DHRSX: variants seen among roughly 807,000 people sequenced by gnomAD.
DHRSX encodes polyprenol dehydrogenase.
In DHRSX, 31 loss-of-function variants were observed where a neutral mutation model predicts 34.0. The ratio of observed to expected loss-of-function variants is 0.91; its 90% CI spans 0.69 to 1.23. The LOEUF is 1.23. Ranked by LOEUF, DHRSX falls within the 50% of genes most tolerant of loss-of-function variation. The pLI is 0.00. For synonymous variants in DHRSX, 201 were observed against 183.8 expected (o/e 1.09, Z -0.76); for missense variants, 414 against 428.1 (o/e 0.97, Z 0.29).
chrX:2,479,131 T>C (rs1201914956), intron 1 of DHRSX, among the ~76,000 whole-genome samples: 2 of 151,366 alleles, frequency 1.3e-5, no homozygotes, highest in African/African-American at 4.9e-5. Context: ...AGATGTTCGC[T>C]AACAATGCAG....
At chrX:2,414,149 T>A (rs761604589) in intron 2 of DHRSX, among the ~76,000 whole-genome samples, 1 of 151,678 alleles carries the variant, frequency 6.6e-6, no homozygotes, top group South Asian at 2.1e-4. Context: ...TAATCATGAC[T>A]GACTATGACT....
chrX:2,429,812 C>T (rs73632316), intron 1 of DHRSX, among the ~76,000 whole-genome samples: 242 of 151,898 alleles, frequency 1.6e-3, no homozygotes, highest in African/African-American at 5.4e-3. Context: ...GACACAAGAA[C>T]GGCAGAGGGA....
At chrX:2,408,842 G>C in intron 2 of DHRSX, 29 bp from the exon 3 acceptor site, 2 of 1,572,794 alleles carry the variant, frequency 1.3e-6, no homozygotes, top group South Asian at 1.1e-5. Context: ...AAAAGATACG[G>C]TGACTTGTAG....
intron 1 of DHRSX, among the ~76,000 whole-genome samples, chrX:2,466,933 C>T (rs778758581): frequency 6.4e-4 from 97 of 152,066 alleles, no homozygotes; most frequent in Middle Eastern, 3.4e-3. Context: ...GGCATGGTAG[C>T]GCACACCTAT....
intron 3 of DHRSX, among the ~76,000 whole-genome samples, chrX:2,373,099 T>C (rs1327572536): frequency 6.6e-6 from 1 of 152,142 alleles, no homozygotes; most frequent in East Asian, 1.9e-4. Context: ...AACCATATCT[T>C]CCACGGCGGC....
chrX:2,485,819 G>A (rs1168164215), intron 1 of DHRSX, among the ~76,000 whole-genome samples: 41 of 73,354 alleles, frequency 5.6e-4, no homozygotes, highest in Admixed American at 1.2e-3. Context: ...AGGGAGAGAA[G>A]GAAGGAAGGG....
chrX:2,330,420 C>G (rs2042451336), intron 3 of DHRSX, among the ~76,000 whole-genome samples: 1 of 151,194 alleles, frequency 6.6e-6, no homozygotes. Context: ...ACTCAGGAGG[C>G]TGAGGCAGAA....
At position 2,395,856 on chromosome X, in the gene DHRSX, C is replaced by G. The variant is rs147473588; in HGVS notation, c.286+12889G>C. On this transcript the variant is annotated intron_variant, in intron 3 of 6. Coordinates refer to ENST00000334651, the MANE Select transcript of DHRSX (RefSeq NM_145177.3). The stretch of plus-strand genomic sequence containing the variant: ...TCACACAGCTGTAGTATGCCTCTAT[C>G]AGCAATGCAACTAGATATTCTATTC... 4.9e-3 allele frequency among the ~76,000 whole-genome samples: 740 copies of G among 152,246 alleles called. 7 individuals carry two copies. Among genetic ancestry groups the G allele is most frequent in the African/African-American group, 0.017 (711 of 41,548 alleles).
intron 3 of DHRSX, among the ~76,000 whole-genome samples, chrX:2,404,487 G>C (rs1277876100): frequency 6.6e-6 from 1 of 152,170 alleles, no homozygotes; most frequent in Non-Finnish European, 1.5e-5. Context: ...CTGAGGAAGA[G>C]AAAGAGTTGA....
At chrX:2,474,299 T>C (rs1027871876) in intron 1 of DHRSX, among the ~76,000 whole-genome samples, 1 of 151,692 alleles carries the variant, frequency 6.6e-6, no homozygotes, top group Non-Finnish European at 1.5e-5. Flanking sequence ...ATCAAGACAA[T>C]CCCTAAGCAT....
chrX:2,471,871 T>C (rs2044598562), intron 1 of DHRSX, among the ~76,000 whole-genome samples: 1 of 151,890 alleles, frequency 6.6e-6, no homozygotes, highest in Non-Finnish European at 1.5e-5. Context: ...ATTGGTTGGG[T>C]GTGGTGGCTC....
At chrX:2,318,646 G>A (rs758208821) in intron 3 of DHRSX, among the ~76,000 whole-genome samples, 1 of 147,686 alleles carries the variant, frequency 6.8e-6, no homozygotes. Context: ...GGTCTAAAAA[G>A]GGGAGGAACC....
At chrX:2,476,241 A>AC (rs1569505195) in intron 1 of DHRSX, among the ~76,000 whole-genome samples, 13 of 83,348 alleles carry the variant, frequency 1.6e-4, no homozygotes, top group African/African-American at 5.0e-4. Flanking sequence ...CACACACACA[A>AC]AAAAAAATTA....
chrX:2,221,234 T>C lies in DHRSX; in HGVS notation c.805-5A>G, dbSNP rs757342809. ...CCACGCTCCTTCATCGGGGGTCTGG[T>C]GGAAGAAGAAAAGAAGGCTACGATG... On this transcript the variant is annotated splice_region_variant and splice_polypyrimidine_tract_variant and intron_variant, in intron 6 of 6. Coordinates refer to ENST00000334651, the MANE Select transcript of DHRSX (RefSeq NM_145177.3). 9.9e-6 allele frequency: 16 copies of C among 1,611,440 alleles called. No individual in the cohort carries two copies. The highest frequency in any genetic ancestry group is 1.3e-5 in the Non-Finnish European group (15 of 1,178,786).
At chrX:2,223,796 ATTC>A (rs2015574945) in intron 6 of DHRSX, among the ~76,000 whole-genome samples, 1 of 152,190 alleles carries the variant, frequency 6.6e-6, no homozygotes. Flanking sequence ...CAAAGCCGGC[ATTC>A]TTCTTCCTTC....
chrX:2,447,553 A>C (rs1041602119), intron 1 of DHRSX, among the ~76,000 whole-genome samples: 1 of 152,078 alleles, frequency 6.6e-6, no homozygotes, highest in African/African-American at 2.4e-5. Context: ...AAGGAAAGGA[A>C]ATCAGCCCAT....
At chrX:2,385,410 G>A (rs1404758733) in intron 3 of DHRSX, among the ~76,000 whole-genome samples, 2 of 151,486 alleles carry the variant, frequency 1.3e-5, no homozygotes, top group Admixed American at 6.6e-5. Context: ...CACACAGACC[G>A]TAATTCTCAT....
At chrX:2,381,811 A>AAAAAAAAAAAAAAAC (rs2043206820) in intron 3 of DHRSX, among the ~76,000 whole-genome samples, 1 of 150,248 alleles carries the variant, frequency 6.7e-6, no homozygotes, top group Non-Finnish European at 1.5e-5. Context: ...AAAAAAAAAA[A>AAAAAAAAAAAAAAAC]AAAAAAAAAG....
intron 4 of DHRSX, among the ~76,000 whole-genome samples, chrX:2,284,863 A>C (rs761076696): frequency 5.3e-4 from 81 of 152,320 alleles, no homozygotes; most frequent in Admixed American, 1.3e-3. Flanking sequence ...AAGATATTCT[A>C]TGTCTGAAGT....
Sources: allele counts gnomAD v4.1 joint callset (sites outside exome capture counted in the v4.1 genomes callset), GRCh38; gene constraint gnomAD v4.1.1; transcripts MANE v1.5; gene names NCBI Gene and HGNC (gene_info 2026-07-23, HGNC 2026-07-21).